Variants in CC2D2A observed in about 807,000 individuals in gnomAD.
The protein encoded by CC2D2A is coiled-coil and C2 domain containing 2A.
In CC2D2A, 155 loss-of-function variants were observed where a neutral mutation model predicts 212.9. The observed-to-expected ratio is 0.73, with a 90% CI of 0.64 to 0.83. CC2D2A has a LOEUF of 0.83. Among genes scored for constraint, CC2D2A ranks in the 40% least tolerant of loss-of-function variants. CC2D2A has a pLI of 0.00. For missense variants in CC2D2A, 1,856 were observed against 1,956.2 expected, an observed-to-expected ratio of 0.95 and a Z score of 0.97; for synonymous variants, 667 against 686.5, an observed-to-expected ratio of 0.97 and a Z score of 0.44.
chr4:15,599,320 A>G (rs752468802), intron 35 of CC2D2A, among the ~76,000 whole-genome samples: 26 of 152,150 alleles, frequency 1.7e-4, no homozygotes, highest in Non-Finnish European at 3.2e-4. Context: ...ATCTCAACTC[A>G]TATACAACCC....
chr4:15,544,846 A>G (rs1442958451), intron 17 of CC2D2A, among the ~76,000 whole-genome samples: 1 of 152,242 alleles, frequency 6.6e-6, no homozygotes, highest in Non-Finnish European at 1.5e-5. Context: ...CCAATGTGAC[A>G]ATACTATGAA....
intron 14 of CC2D2A, among the ~76,000 whole-genome samples, chr4:15,533,930 G>A (rs1318652316): frequency 6.6e-6 from 1 of 152,150 alleles, no homozygotes; most frequent in East Asian, 1.9e-4. Context: ...GATTCCAAAC[G>A]TATTCCAGAA....
At chr4:15,516,185 C>T (rs1365143156) in intron 10 of CC2D2A, among the ~76,000 whole-genome samples, 181 bp downstream of exon 10, 1 of 151,724 alleles carries the variant, frequency 6.6e-6, no homozygotes, top group Non-Finnish European at 1.5e-5. Context: ...CCTCAAATAA[C>T]ATAACTTCTC....
intron 14 of CC2D2A, among the ~76,000 whole-genome samples, chr4:15,535,840 G>A (rs1718099142): frequency 6.6e-6 from 1 of 152,148 alleles, no homozygotes; most frequent in Admixed American, 6.5e-5. Flanking sequence ...CTGCCTTGGG[G>A]GAAATAGTGC....
intron 20 of CC2D2A, among the ~76,000 whole-genome samples, chr4:15,555,471 G>A (rs1472527770): frequency 6.6e-6 from 1 of 152,190 alleles, no homozygotes; most frequent in African/African-American, 2.4e-5. Flanking sequence ...GGGCATGGTG[G>A]CTCATGCCTG....
chr4:15,600,096 C>A (rs917263951), intron 36 of CC2D2A, among the ~76,000 whole-genome samples: 4 of 151,958 alleles, frequency 2.6e-5, no homozygotes, highest in African/African-American at 9.7e-5. Context: ...GACGATATAC[C>A]CTCTTTACTG....
chr4:15,481,839 A>C, intron 4 of CC2D2A: 3 of 985,480 alleles, frequency 3.0e-6, no homozygotes, highest in Non-Finnish European at 3.6e-6. Flanking sequence ...TTGTTAGGGA[A>C]GACATATGTG....
chr4:15,531,282 C>T (rs752904361), intron 13 of CC2D2A, among the ~76,000 whole-genome samples: 107 of 152,276 alleles, frequency 7.0e-4, no homozygotes, highest in Admixed American at 2.3e-3. Flanking sequence ...AGTGCTTGAA[C>T]GCAGACACCA....
At chr4:15,551,717 T>G (rs1429337216) in intron 18 of CC2D2A, among the ~76,000 whole-genome samples, 1 of 152,210 alleles carries the variant, frequency 6.6e-6, no homozygotes, top group Non-Finnish European at 1.5e-5. Flanking sequence ...TTCATTCATT[T>G]AAATATATTT....
chr4:15,585,611 T>C (rs866022248), intron 30 of CC2D2A, among the ~76,000 whole-genome samples: 3 of 152,206 alleles, frequency 2.0e-5, no homozygotes, highest in Non-Finnish European at 2.9e-5. Context: ...ATAGTATATT[T>C]CCAGCTAACT....
In CC2D2A at chr4:15,478,773, C is replaced by T. The variant is rs530243571; in HGVS notation, c.90C>T (p.Asn30=). 11 of 1,554,886 alleles carry T rather than the reference C, an allele frequency of 7.1e-6. No individual in the cohort carries two copies. The highest frequency in any genetic ancestry group is 8.7e-6 in the Non-Finnish European group (10 of 1,148,734). Residue 30 remains asparagine (N), a synonymous_variant, in exon 3 of 37, where the codon AAC becomes AAT. Coordinates refer to ENST00000424120, the MANE Select transcript of CC2D2A (RefSeq NM_001378615.1). ...CAGACATGGGAAGACAGAATAAGAA[C>T]TCAAAGGTTCGAAGACAGCCAAGAA... ...EDADMGRQNK[N]SKVRRQPRKK...
chr4:15,594,972 CA>C (rs756111270), intron 33 of CC2D2A, among the ~76,000 whole-genome samples: 206 of 144,664 alleles, frequency 1.4e-3, no homozygotes, highest in Middle Eastern at 7.1e-3. Context: ...GGCTACTTCT[CA>C]AAAAAAAAAA....
intron 4 of CC2D2A, chr4:15,481,382 A>C (rs746286677): frequency 2.8e-6 from 1 of 357,768 alleles, no homozygotes; most frequent in Non-Finnish European, 5.5e-6. Flanking sequence ...GTGGTGGCGC[A>C]TGCCTGTAAT....
At chr4:15,596,870 C>T (rs977012579) in intron 34 of CC2D2A, among the ~76,000 whole-genome samples, 7 of 152,100 alleles carry the variant, frequency 4.6e-5, no homozygotes, top group Non-Finnish European at 7.4e-5. Context: ...GAATATTTTA[C>T]AGTAGTTAAT....
intron 36 of CC2D2A, 122 bp from the exon 37 acceptor site, chr4:15,601,115 A>G: frequency 1.3e-6 from 1 of 795,164 alleles, no homozygotes; most frequent in Non-Finnish European, 2.0e-6. Flanking sequence ...AAAGCTGAGT[A>G]GAAAAACACA....
At chr4:15,598,124 GAAC>G (rs1489211333) in intron 35 of CC2D2A, among the ~76,000 whole-genome samples, 2 of 152,104 alleles carry the variant, frequency 1.3e-5, no homozygotes, top group African/African-American at 4.8e-5. Flanking sequence ...TCCCCAACTA[GAAC>G]AACTAATCTC....
At chr4:15,597,970 A>C (rs1157537875) in intron 35 of CC2D2A, among the ~76,000 whole-genome samples, 1 of 152,164 alleles carries the variant, frequency 6.6e-6, no homozygotes, top group East Asian at 1.9e-4. Flanking sequence ...GGGGCTTCTG[A>C]GCCCAGCCCA....
chr4:15,476,001 A>G (rs1341997626), intron 2 of CC2D2A, 30 bp downstream of exon 2: 4 of 1,576,844 alleles, frequency 2.5e-6, no homozygotes, highest in Non-Finnish European at 3.5e-6. Context: ...TCCTCTAGGG[A>G]TGTGTTTGTG....
intron 17 of CC2D2A, among the ~76,000 whole-genome samples, chr4:15,546,185 CTT>C (rs1279841650): frequency 2.0e-5 from 3 of 152,124 alleles, no homozygotes; most frequent in Non-Finnish European, 4.4e-5. Flanking sequence ...GGCCACAGTC[CTT>C]CCAGAAAGGT....
Sources: gnomAD v4.1 joint callset for allele counts (sites outside exome capture counted in the v4.1 genomes callset) on GRCh38, gnomAD v4.1.1 for gene constraint, MANE v1.5 for transcripts, NCBI Gene and HGNC (gene_info 2026-07-23, HGNC 2026-07-21) for gene names.